The following SIRT4 variants were observed in gnomAD, a reference collection of about 807,000 sequenced individuals.
SIRT4 encodes sirtuin 4, also known as NAD-dependent protein lipoamidase sirtuin-4, mitochondrial.
A neutral mutation model predicts 26.1 loss-of-function variants in SIRT4; 23 were observed. The ratio of observed to expected loss-of-function variants is 0.88; its 90% CI spans 0.63 to 1.25. SIRT4 has a LOEUF of 1.25. Ranked by LOEUF, SIRT4 falls within the 50% of genes most tolerant of loss-of-function variation. SIRT4 has a pLI of 0.00. For synonymous variants in SIRT4, 155 were observed against 158.4 expected, an observed-to-expected ratio of 0.98 and a Z score of 0.16; for missense variants, 361 against 405.4, an observed-to-expected ratio of 0.89 and a Z score of 0.94.
At chr12:120,298,241 A>C (rs1027405734), upstream of SIRT4, among the ~76,000 whole-genome samples, 42 of 147,938 alleles carry the variant, frequency 2.8e-4, no homozygotes, top group African/African-American at 9.9e-4. Flanking sequence ...CTGTCATATG[A>C]GTTTCCCCGC....
chr12:120,294,006 C>CTTTTTTTTTTT, the SIRT4 span, among the ~76,000 whole-genome samples: 54,612 of 81,910 alleles, frequency 0.67, 18,568 homozygotes, highest in East Asian at 0.79. Flanking sequence ...GAGATGTTAT[C>CTTTTTTTTTTT]TTTTTTTTTT....
rs1000951294 is a variant in SIRT4 at position 120,308,316 on chromosome 12, C to T, written c.498-4140C>T. Among the ~76,000 whole-genome samples, 57 of 151,868 alleles carry T rather than the reference C, an allele frequency of 3.8e-4. 1 individual carries two copies. The highest frequency in any genetic ancestry group is 1.3e-3 in the African/African-American group (55 of 41,304). ...TCCCAAGTAGTTGGGATTACAGGTG[C>T]CTGCCACCACCCCCAGCTAATTTTT... is the stretch of plus-strand genomic sequence containing the variant. On this transcript the variant is annotated intron_variant, in intron 2 of 3. Coordinates refer to ENST00000202967, the MANE Select transcript of SIRT4 (RefSeq NM_012240.3).
At chr12:120,304,637 A>G (rs1219661411) in intron 2 of SIRT4, among the ~76,000 whole-genome samples, 2 of 150,802 alleles carry the variant, frequency 1.3e-5, no homozygotes, top group African/African-American at 2.4e-5. Flanking sequence ...ACAGTGCAAA[A>G]AAAAAGAAAA....
At chr12:120,303,051 G>C (rs527887811) in intron 1 of SIRT4, among the ~76,000 whole-genome samples, 4 of 152,054 alleles carry the variant, frequency 2.6e-5, no homozygotes, top group South Asian at 4.1e-4. Context: ...AAAAGCTGAC[G>C]GGCAGGGGTC....
At chr12:120,293,109 CTG>C in the SIRT4 span, 3 of 152,120 alleles carry the variant, frequency 2.0e-5, no homozygotes, top group African/African-American at 4.8e-5. Flanking sequence ...TCCGTAGAGA[CTG>C]TCAAAAATTG....
chr12:120,313,199 T>C lies in SIRT4; in HGVS notation c.*163T>C, dbSNP rs1445285241. On this transcript the variant is annotated 3_prime_UTR_variant, in exon 4 of 4. Transcript: ENST00000202967. The stretch of plus-strand genomic sequence containing the variant: ...AGGTATCTTAATGTGTGGATATTCT[T>C]AATTAAAACTCATTTTTTTTAAATA... 4 of 703,382 alleles carry C rather than the reference T, an allele frequency of 5.7e-6. No individual in the cohort carries two copies. Among genetic ancestry groups the C allele is most frequent in the Non-Finnish European group, 9.3e-6 (4 of 430,378 alleles). The allele number at this position is 703,382 out of a possible 1,614,324, so 43.6% of individuals were successfully genotyped here.
chr12:120,299,459 GCAGAATCA>G (rs1464574841), upstream of SIRT4, among the ~76,000 whole-genome samples: 1 of 150,560 alleles, frequency 6.6e-6, no homozygotes. Context: ...GGCCGAGGCA[GCAGAATCA>G]CTTCAGCCGG....
In SIRT4 at chr12:120,312,909, T is replaced by A. The variant is rs1592903793; in HGVS notation, c.818T>A (p.Leu273His). 1 of 1,614,212 alleles carries A rather than the reference T, an allele frequency of 6.2e-7. No homozygotes were observed. The highest frequency in any genetic ancestry group is 8.5e-7 in the Non-Finnish European group (1 of 1,180,042). ...GTATACTCTGGTTACAGGTTTATCC[T>A]CACTGCCTGGGAGAAGAAGCTCCCG... ...LQVYSGYRFI[L>H]TAWEKKLPIA... Residue 273 changes from leucine (L) to histidine (H), a missense_variant, in exon 4 of 4, where the codon CTC becomes CAC. Transcript: ENST00000202967.
In SIRT4 at chr12:120,310,668, C is replaced by A. The variant is rs143149352; in HGVS notation, c.498-1788C>A. 7.4e-3 allele frequency among the ~76,000 whole-genome samples: 1,115 copies of A among 151,446 alleles called. 12 individuals are homozygous for A. The highest frequency in any genetic ancestry group is 0.026 in the African/African-American group (1,057 of 41,274). On this transcript the variant is annotated intron_variant, in intron 2 of 3. Coordinates refer to ENST00000202967, the MANE Select transcript of SIRT4 (RefSeq NM_012240.3). ...GGAGGATTGCTTGAGCCTAGGAGTT[C>A]GAGGCTGCAGTGAGCTATGATCATG...
intron 2 of SIRT4, among the ~76,000 whole-genome samples, chr12:120,306,362 C>T (rs536458828): frequency 7.9e-5 from 12 of 151,718 alleles, no homozygotes; most frequent in Non-Finnish European, 1.5e-4. Flanking sequence ...GTAATCCTAG[C>T]GACTCGGGAG....
At chr12:120,307,934 G>A (rs1034408542) in intron 2 of SIRT4, among the ~76,000 whole-genome samples, 2 of 152,108 alleles carry the variant, frequency 1.3e-5, no homozygotes, top group Non-Finnish European at 2.9e-5. Context: ...GTGAAATTGT[G>A]TGGTTCTTGA....
At chr12:120,300,349 A>G (rs968381579), upstream of SIRT4, among the ~76,000 whole-genome samples, 7 of 152,062 alleles carry the variant, frequency 4.6e-5, no homozygotes, top group Admixed American at 2.0e-4. Flanking sequence ...CATTTTGCCA[A>G]TATTACCTCC....
intron 1 of SIRT4, among the ~76,000 whole-genome samples, chr12:120,302,726 T>C (rs11065075): frequency 0.12 from 18,643 of 150,800 alleles, 1,254 homozygotes; most frequent in Non-Finnish European, 0.15. Flanking sequence ...TTTTCTTTTT[T>C]TTTTTTTTTT....
the SIRT4 span, among the ~76,000 whole-genome samples, chr12:120,297,292 G>A: frequency 9.8e-5 from 13 of 132,058 alleles, no homozygotes; most frequent in African/African-American, 3.7e-4. Flanking sequence ...AATGGGGCTT[G>A]GTGTGGTGGC....
rs200041014 is a variant in SIRT4, at chr12:120,303,636, G to A, written c.75G>A (p.Ser25=). 1.9e-5 allele frequency: 30 copies of A among 1,613,972 alleles called. No homozygotes were observed. The highest frequency in any genetic ancestry group is 1.6e-4 in the Middle Eastern group (1 of 6,084). Residue 25 remains serine, a synonymous_variant, in exon 2 of 4, where the codon TCG becomes TCA. Transcript: ENST00000202967. ...TCGCAAACCCCAGCCAGCCGTGCTC[G>A]AAAGCCTCCATTGGGTTATTTGTGC... ...RWIANPSQPC[S]KASIGLFVPA...
upstream of SIRT4, among the ~76,000 whole-genome samples, chr12:120,297,316 C>CAAAAA (rs56259520): frequency 1.2e-4 from 8 of 67,640 alleles, no homozygotes; most frequent in East Asian, 5.3e-4. Flanking sequence ...CGCCTGTAAT[C>CAAAAA]AAAAAAAAAA....
the SIRT4 span, among the ~76,000 whole-genome samples, chr12:120,295,179 C>G: frequency 2.0e-5 from 3 of 148,190 alleles, no homozygotes; most frequent in Non-Finnish European, 3.0e-5. Flanking sequence ...AATAATGCTG[C>G]TATTGGTGTG....
the SIRT4 span, chr12:120,293,008 T>C: frequency 6.6e-6 from 1 of 152,126 alleles, no homozygotes. Context: ...TTTAGAGAGT[T>C]TGCGAACAAG....
intron 3 of SIRT4, 57 bp downstream of exon 3, chr12:120,312,807 G>T: frequency 6.2e-7 from 1 of 1,606,918 alleles, no homozygotes; most frequent in African/African-American, 1.3e-5. Context: ...GAGTCCTGGA[G>T]AGACACCCTG....
Sources: allele counts gnomAD v4.1 joint callset (sites outside exome capture counted in the v4.1 genomes callset), GRCh38; gene constraint gnomAD v4.1.1; transcripts MANE v1.5; gene names NCBI Gene and HGNC (gene_info 2026-07-23, HGNC 2026-07-21).